The following ME3 variants were observed in gnomAD, a reference collection of about 807,000 sequenced individuals.
The protein encoded by ME3 is NADP-dependent malic enzyme, mitochondrial.
In ME3, 48 loss-of-function variants were observed where a neutral mutation model predicts 68.9. The ratio of observed to expected loss-of-function variants is 0.70; its 90% CI spans 0.55 to 0.89. The LOEUF (loss-of-function observed/expected upper bound fraction) is 0.89. Ranked by LOEUF, ME3 falls within the 40% of genes least tolerant of loss-of-function variation. The probability of loss-of-function intolerance (pLI) is 0.00; values close to 1 mark genes in which losing one functional copy is unlikely to be tolerated. For synonymous variants in ME3, 320 were observed against 318.8 expected (o/e 1.00, Z -0.04); for missense variants, 675 against 797.4 (o/e 0.85, Z 1.85).
At chr11:86,469,294 T>C (rs1256435973) in intron 7 of ME3, among the ~76,000 whole-genome samples, 1 of 152,156 alleles carries the variant, frequency 6.6e-6, no homozygotes, top group Non-Finnish European at 1.5e-5. Flanking sequence ...ACTCAGGTAT[T>C]TCTACAAGTC....
intron 2 of ME3, among the ~76,000 whole-genome samples, chr11:86,560,744 G>GTGTGTGTGTGTA (rs1465595094): frequency 3.0e-5 from 2 of 66,896 alleles, no homozygotes; most frequent in Non-Finnish European, 5.9e-5. Flanking sequence ...GTGTGTGTGT[G>GTGTGTGTGTGTA]TGTGTATATA....
At chr11:86,462,334 T>A (rs948621527) in intron 8 of ME3, among the ~76,000 whole-genome samples, 1 of 152,262 alleles carries the variant, frequency 6.6e-6, no homozygotes, top group Non-Finnish European at 1.5e-5. Context: ...TAGGGATAGA[T>A]ACTAGTCTAT....
At chr11:86,672,063 G>A (rs1946988550) in intron 1 of ME3, 105 bp from the exon 2 acceptor site, 1 of 934,610 alleles carries the variant, frequency 1.1e-6, no homozygotes, top group Non-Finnish European at 1.4e-6. Flanking sequence ...CTCTGGGAGA[G>A]GGCAGGTGCT....
intron 2 of ME3, among the ~76,000 whole-genome samples, chr11:86,630,070 C>G (rs1310376660): frequency 1.3e-5 from 2 of 152,136 alleles, no homozygotes; most frequent in African/African-American, 4.8e-5. Context: ...TAATAGAGAT[C>G]TACATCCCCT....
At chr11:86,636,336 T>A (rs1944334191) in intron 2 of ME3, among the ~76,000 whole-genome samples, 1 of 138,586 alleles carries the variant, frequency 7.2e-6, no homozygotes, top group Non-Finnish European at 1.6e-5. Context: ...GCTTTTATAG[T>A]CTTTAAAATG....
chr11:86,638,927 C>A (rs1478695608), intron 2 of ME3, among the ~76,000 whole-genome samples: 1 of 152,192 alleles, frequency 6.6e-6, no homozygotes, highest in Non-Finnish European at 1.5e-5. Context: ...TACTTCCAAA[C>A]CTGTCTGGAA....
At chr11:86,466,438 G>T (rs751437736) in intron 7 of ME3, among the ~76,000 whole-genome samples, 1 of 152,212 alleles carries the variant, frequency 6.6e-6, no homozygotes, top group South Asian at 2.1e-4. Context: ...ACAGGTAGAA[G>T]TGGCCTGCCC....
At chr11:86,482,704 C>T (rs117272333) in intron 7 of ME3, among the ~76,000 whole-genome samples, 1 of 151,656 alleles carries the variant, frequency 6.6e-6, no homozygotes, top group Non-Finnish European at 1.5e-5. Flanking sequence ...CTTAGGAGCC[C>T]TAGACTATCA....
chr11:86,654,613 G>A (rs970691912), intron 2 of ME3, among the ~76,000 whole-genome samples: 8 of 152,104 alleles, frequency 5.3e-5, no homozygotes, highest in African/African-American at 1.2e-4. Flanking sequence ...AATAAGAGCT[G>A]TCTATGACAA....
At chr11:86,450,587 T>C (rs570642922) in intron 8 of ME3, among the ~76,000 whole-genome samples, 189 bp from the exon 9 acceptor site, 1 of 152,352 alleles carries the variant, frequency 6.6e-6, no homozygotes, top group East Asian at 1.9e-4. Flanking sequence ...TTTTTGTTGT[T>C]GAAGTTGAGA....
At position 86,511,432 on chromosome 11, in the gene ME3, C is replaced by A. The variant is rs188445447; in HGVS notation, c.468-2565G>T. On this transcript the variant is annotated intron_variant, in intron 4 of 14. Coordinates refer to ENST00000543262, the Ensembl canonical transcript of ME3. The stretch of plus-strand genomic sequence containing the variant: ...TACTCCAGTGCTACTTTGAAACCGC[C>A]TTTGCAAAGATTATGACAGTGAGAG... 5.9e-5 allele frequency among the ~76,000 whole-genome samples: 9 copies of A among 152,292 alleles called. No individual in the cohort carries two copies. In the East Asian group the frequency reaches 1.7e-3, roughly 29 times the overall value.
chr11:86,623,357 C>A (rs1056433306), intron 2 of ME3, among the ~76,000 whole-genome samples: 2 of 152,194 alleles, frequency 1.3e-5, no homozygotes, highest in Non-Finnish European at 2.9e-5. Context: ...GGCCTTTGAA[C>A]TCAGACTGCA....
At chr11:86,641,831 C>G (rs1029851766) in intron 2 of ME3, among the ~76,000 whole-genome samples, 3 of 152,120 alleles carry the variant, frequency 2.0e-5, no homozygotes, top group African/African-American at 7.2e-5. Flanking sequence ...TGAGAGCTGG[C>G]TTACAATGGT....
intron 4 of ME3, among the ~76,000 whole-genome samples, chr11:86,549,256 C>T (rs1471013330): frequency 6.6e-6 from 1 of 152,178 alleles, no homozygotes; most frequent in Non-Finnish European, 1.5e-5. Context: ...TGACCAGGAA[C>T]TGGAATGGAA....
chr11:86,580,173 G>A (rs1213248434), intron 2 of ME3, among the ~76,000 whole-genome samples: 2 of 152,154 alleles, frequency 1.3e-5, no homozygotes, highest in African/African-American at 4.8e-5. Context: ...TTTCCGGAAA[G>A]GTCACTGGAA....
intron 2 of ME3, among the ~76,000 whole-genome samples, chr11:86,567,644 T>A (rs775039969): frequency 6.6e-6 from 1 of 152,234 alleles, no homozygotes. Context: ...CACCTTCTTT[T>A]GTATTTGAGG....
intron 2 of ME3, among the ~76,000 whole-genome samples, chr11:86,567,091 C>T (rs1343129989): frequency 6.6e-6 from 1 of 152,020 alleles, no homozygotes; most frequent in East Asian, 1.9e-4. Context: ...GTGGTGCATG[C>T]CTGTAATACC....
intron 2 of ME3, among the ~76,000 whole-genome samples, chr11:86,663,016 CA>C (rs1395707213): frequency 6.6e-6 from 1 of 152,106 alleles, no homozygotes; most frequent in African/African-American, 2.4e-5. Flanking sequence ...CAAAATAGAA[CA>C]AAACAAAGTG....
At chr11:86,594,457 A>C (rs1322643449) in intron 2 of ME3, among the ~76,000 whole-genome samples, 1 of 145,730 alleles carries the variant, frequency 6.9e-6, no homozygotes, top group Non-Finnish European at 1.5e-5. Flanking sequence ...TTGGGAGGCC[A>C]AGGTGGGTGA....
Sources: allele counts gnomAD v4.1 joint callset (sites outside exome capture counted in the v4.1 genomes callset), GRCh38; gene constraint gnomAD v4.1.1; transcripts MANE v1.5; gene names NCBI Gene and HGNC (gene_info 2026-07-23, HGNC 2026-07-21).